FUT8: variants seen among roughly 807,000 people sequenced by gnomAD.
FUT8 encodes the protein alpha-(1,6)-fucosyltransferase.
A neutral mutation model predicts 71.3 loss-of-function variants in FUT8; 29 were observed. The observed-to-expected ratio is 0.41, with a 90% CI of 0.30 to 0.55. FUT8 has a LOEUF of 0.55. FUT8 is among the 20% of genes least tolerant of loss of function. The pLI, the probability that FUT8 is intolerant of heterozygous loss-of-function variation, is 0.34. For synonymous variants in FUT8, 254 were observed against 239.3 expected (o/e 1.06, Z -0.57); for missense variants, 544 against 702.1 (o/e 0.77, Z 2.55).
At chr14:65,470,744 G>T (rs2066131133) in intron 2 of FUT8, among the ~76,000 whole-genome samples, 1 of 152,088 alleles carries the variant, frequency 6.6e-6, no homozygotes, top group Non-Finnish European at 1.5e-5. Context: ...CCCTCAGTGG[G>T]GTGGGCGCAG....
chr14:65,394,622 T>A, the FUT8 span, among the ~76,000 whole-genome samples: 1 of 152,182 alleles, frequency 6.6e-6, no homozygotes, highest in Non-Finnish European at 1.5e-5. Context: ...AGAAGCAAGT[T>A]AGTTACTTCC....
chr14:65,683,855 A>C (rs1893153700), intron 7 of FUT8, among the ~76,000 whole-genome samples: 1 of 151,968 alleles, frequency 6.6e-6, no homozygotes. Context: ...AATAGCTTCA[A>C]GCTGTTTCTT....
chr14:65,422,883 C>G (rs886871946), intron 1 of FUT8, among the ~76,000 whole-genome samples: 3 of 152,034 alleles, frequency 2.0e-5, no homozygotes, highest in Non-Finnish European at 2.9e-5. Flanking sequence ...ATCTTGAACT[C>G]CTGGCCTCAA....
At chr14:65,621,953 A>G (rs1403055610) in intron 5 of FUT8, among the ~76,000 whole-genome samples, 1 of 151,824 alleles carries the variant, frequency 6.6e-6, no homozygotes, top group African/African-American at 2.4e-5. Context: ...GCCTCCGGGT[A>G]GCTGGGACTA....
At chr14:65,528,072 A>G (rs551933380) in intron 2 of FUT8, among the ~76,000 whole-genome samples, 2 of 152,278 alleles carry the variant, frequency 1.3e-5, no homozygotes, top group East Asian at 3.9e-4. Flanking sequence ...ACTCTCTTCA[A>G]AGCTGTCAGA....
Position 65,614,680 on chromosome 14 carries a change from A to G in FUT8, c.204-1298A>G, listed in dbSNP as rs189638678. Reference sequence around the variant, plus strand: ...CATCTTCAAAGCTAACAGCCACATAACCTTTTCCTCTTCTGTAGTAAAATC... The same window carrying G: ...CATCTTCAAAGCTAACAGCCACATAGCCTTTTCCTCTTCTGTAGTAAAATC... On this transcript the variant is annotated intron_variant, in intron 3 of 10. Transcript: ENST00000673929. 9.4e-4 allele frequency among the ~76,000 whole-genome samples: 143 copies of G among 152,258 alleles called. 2 individuals are homozygous for G. Among genetic ancestry groups the G allele is most frequent in the Non-Finnish European group, 5.9e-5 (4 of 67,992 alleles).
chr14:65,679,275 C>G (rs1172546453), intron 7 of FUT8, among the ~76,000 whole-genome samples: 2 of 152,154 alleles, frequency 1.3e-5, no homozygotes, highest in Admixed American at 1.3e-4. Context: ...AGGCATTATA[C>G]TGTATGTTCC....
At chr14:65,616,128 A>G (rs1419442702) in intron 4 of FUT8, 35 bp downstream of exon 4, 2 of 1,604,234 alleles carry the variant, frequency 1.2e-6, no homozygotes, top group Non-Finnish European at 1.7e-6. Flanking sequence ...CCTCCTCAGT[A>G]TATGGGCTTT....
At chr14:65,633,966 G>C (rs935871256) in intron 6 of FUT8, among the ~76,000 whole-genome samples, 2 of 151,108 alleles carry the variant, frequency 1.3e-5, no homozygotes, top group Non-Finnish European at 3.0e-5. Context: ...TGCCCGGCTA[G>C]CCGCCCCATC....
intron 7 of FUT8, among the ~76,000 whole-genome samples, chr14:65,687,990 A>G (rs1893381536): frequency 6.6e-6 from 1 of 152,202 alleles, no homozygotes; most frequent in South Asian, 2.1e-4. Context: ...TGGGTTTCCC[A>G]GTGCACTGGG....
intron 2 of FUT8, among the ~76,000 whole-genome samples, chr14:65,479,030 A>G (rs1176637235): frequency 6.6e-6 from 1 of 152,166 alleles, no homozygotes; most frequent in African/African-American, 2.4e-5. Context: ...TTAGCTTTTA[A>G]TGTGTTTTGG....
chr14:65,679,204 C>G (rs994301746), intron 7 of FUT8, among the ~76,000 whole-genome samples: 1 of 152,174 alleles, frequency 6.6e-6, no homozygotes, highest in African/African-American at 2.4e-5. Flanking sequence ...GCCTCTGCTG[C>G]TACATCTGGC....
chr14:65,528,468 A>G (rs981359739), intron 2 of FUT8, among the ~76,000 whole-genome samples: 1 of 152,188 alleles, frequency 6.6e-6, no homozygotes, highest in African/African-American at 2.4e-5. Context: ...TTGGCTAGGA[A>G]AGGGGATTTC....
chr14:65,535,890 C>T (rs1350327072), intron 2 of FUT8, among the ~76,000 whole-genome samples: 2 of 152,062 alleles, frequency 1.3e-5, no homozygotes, highest in African/African-American at 4.8e-5. Flanking sequence ...GTTGAAGACT[C>T]CCACTGTTAT....
intron 1 of FUT8, among the ~76,000 whole-genome samples, chr14:65,430,933 A>G (rs1472821125): frequency 2.6e-5 from 4 of 151,780 alleles, no homozygotes; most frequent in Non-Finnish European, 4.4e-5. Context: ...ACTTGGTTGC[A>G]TTGATTGGCA....
intron 2 of FUT8, among the ~76,000 whole-genome samples, chr14:65,474,349 TC>T (rs2066196885): frequency 6.7e-6 from 1 of 149,348 alleles, no homozygotes; most frequent in Admixed American, 6.8e-5. Flanking sequence ...ACGCCTGTAA[TC>T]CCAGCACTTT....
chr14:65,711,004 T>TCA (rs1354631490), intron 7 of FUT8, among the ~76,000 whole-genome samples: 2 of 152,108 alleles, frequency 1.3e-5, no homozygotes, highest in Non-Finnish European at 2.9e-5. Context: ...AGGAACTCAC[T>TCA]CATTACCTCT....
At position 65,603,625 on chromosome 14, in the gene FUT8, C is replaced by T. The variant is rs1455566289; in HGVS notation, c.204-12353C>T. Among the ~76,000 whole-genome samples, 1 of 151,718 alleles carries T rather than the reference C, an allele frequency of 6.6e-6. No individual in the cohort carries two copies. The highest frequency in any genetic ancestry group is 1.5e-5 in the Non-Finnish European group (1 of 67,862). On this transcript the variant is annotated intron_variant, in intron 3 of 10. Transcript: ENST00000673929. The surrounding 1 kb of genome is among the most constrained non-coding windows in gnomAD (Gnocchi z 4.5). Reference sequence around the variant, plus strand: ...TTCTAATTGAGCTTCTTTGGATCTTCTCTCTTCTTTTCTTGGTTAATCTTG... The same window carrying T: ...TTCTAATTGAGCTTCTTTGGATCTTTTCTCTTCTTTTCTTGGTTAATCTTG...
At chr14:65,499,901 A>G (rs2066619575) in intron 2 of FUT8, among the ~76,000 whole-genome samples, 2 of 152,114 alleles carry the variant, frequency 1.3e-5, no homozygotes. Context: ...TAGTCTTCTT[A>G]GTAAACTCTA....
Sources: allele counts gnomAD v4.1 joint callset (sites outside exome capture counted in the v4.1 genomes callset), GRCh38; gene constraint gnomAD v4.1.1; non-coding constraint Gnocchi (gnomAD v3.1); transcripts MANE v1.5; gene names NCBI Gene and HGNC (gene_info 2026-07-23, HGNC 2026-07-21).